CNTNAP2: variants seen among roughly 807,000 people sequenced by gnomAD.
CNTNAP2 encodes the protein contactin-associated protein-like 2.
Under a neutral mutation model 155.2 loss-of-function variants are expected in CNTNAP2, and 98 were observed. That is an observed-to-expected ratio of 0.63 (90% CI 0.54 to 0.75). CNTNAP2 has a LOEUF of 0.75. Ranked by LOEUF, CNTNAP2 falls within the 30% of genes least tolerant of loss-of-function variation. The pLI is 0.00. For synonymous variants in CNTNAP2, 651 were observed against 631.2 expected (o/e 1.03, Z -0.47); for missense variants, 1,727 against 1,688.1 (o/e 1.02, Z -0.40).
chr7:147,987,986 C>T (rs1186806154), intron 15 of CNTNAP2, among the ~76,000 whole-genome samples: 5 of 152,120 alleles, frequency 3.3e-5, no homozygotes, highest in African/African-American at 9.7e-5. Flanking sequence ...TGAGCCACCA[C>T]GCCTGGCAGG....
At chr7:146,854,449 A>G (rs1385838639) in intron 3 of CNTNAP2, among the ~76,000 whole-genome samples, 2 of 152,180 alleles carry the variant, frequency 1.3e-5, no homozygotes, top group Non-Finnish European at 2.9e-5. Flanking sequence ...TACACCTCTG[A>G]TGGAAGAGGA....
chr7:147,555,044 A>G (rs1177475474), intron 11 of CNTNAP2, among the ~76,000 whole-genome samples: 1 of 152,218 alleles, frequency 6.6e-6, no homozygotes, highest in Non-Finnish European at 1.5e-5. Context: ...CACAAACCTC[A>G]GTGGTTACCT....
intron 3 of CNTNAP2, among the ~76,000 whole-genome samples, chr7:146,903,964 G>A (rs6970684): frequency 1.3e-5 from 2 of 152,042 alleles, no homozygotes; most frequent in South Asian, 4.1e-4. Flanking sequence ...ACATCACATT[G>A]TACACCGTAA....
chr7:148,234,356 C>T (rs34022566), intron 20 of CNTNAP2, among the ~76,000 whole-genome samples: 53,887 of 152,080 alleles, frequency 0.35, 10,839 homozygotes, highest in East Asian at 0.63. Flanking sequence ...AGTGATGTTA[C>T]TGTTATTACC....
At chr7:146,569,443 T>A (rs1798408366) in intron 1 of CNTNAP2, among the ~76,000 whole-genome samples, 1 of 152,218 alleles carries the variant, frequency 6.6e-6, no homozygotes, top group Non-Finnish European at 1.5e-5. Flanking sequence ...AACTTTATCT[T>A]GAGTGAAAAG....
At chr7:147,136,615 G>C (rs1239602877) in intron 8 of CNTNAP2, among the ~76,000 whole-genome samples, 1 of 151,798 alleles carries the variant, frequency 6.6e-6, no homozygotes, top group African/African-American at 2.4e-5. Flanking sequence ...AATGTGTTTG[G>C]GAACACTCCA....
Position 146,161,734 on chromosome 7 carries a change from A to G in CNTNAP2, c.97+44761A>G, listed in dbSNP as rs146247936. 4.6e-5 allele frequency among the ~76,000 whole-genome samples: 7 copies of G among 152,336 alleles called. No homozygotes were observed. The East Asian group carries it at 1.4e-3, about 29-fold the overall frequency. Reference sequence around the variant, plus strand: ...TCCTAAGCCTAAAGAACAAAGCTGGATGCATCACGCTACCTGACTTCAAAC... The same window carrying G: ...TCCTAAGCCTAAAGAACAAAGCTGGGTGCATCACGCTACCTGACTTCAAAC... On this transcript the variant is annotated intron_variant, in intron 1 of 23. Transcript: ENST00000361727.
intron 1 of CNTNAP2, among the ~76,000 whole-genome samples, chr7:146,651,143 A>C (rs1252646504): frequency 6.6e-6 from 1 of 152,162 alleles, no homozygotes; most frequent in Non-Finnish European, 1.5e-5. Context: ...CTCTGAGCTC[A>C]TGACAGAGTG....
intron 13 of CNTNAP2, among the ~76,000 whole-genome samples, chr7:147,703,902 C>A (rs1172021735): frequency 6.6e-6 from 1 of 152,174 alleles, no homozygotes; most frequent in Non-Finnish European, 1.5e-5. Flanking sequence ...TTATTCTACT[C>A]TCTACCTCCA....
intron 21 of CNTNAP2, among the ~76,000 whole-genome samples, chr7:148,290,238 T>C (rs1261935310): frequency 2.0e-5 from 3 of 152,184 alleles, no homozygotes; most frequent in Non-Finnish European, 2.9e-5. Context: ...GAAAAACAAA[T>C]TGAACTGAAG....
chr7:148,407,229 T>TG (rs1799723279), intron 22 of CNTNAP2, among the ~76,000 whole-genome samples: 1 of 151,956 alleles, frequency 6.6e-6, no homozygotes, highest in Non-Finnish European at 1.5e-5. Flanking sequence ...ATGATAAGCC[T>TG]AATAAATGAA....
intron 3 of CNTNAP2, among the ~76,000 whole-genome samples, chr7:146,868,393 A>G (rs1018091630): frequency 6.6e-6 from 1 of 152,132 alleles, no homozygotes; most frequent in Non-Finnish European, 1.5e-5. Flanking sequence ...TTTGTGTACC[A>G]TTACCATGCT....
chr7:146,264,784 G>A (rs746401962), intron 1 of CNTNAP2, among the ~76,000 whole-genome samples: 3 of 152,210 alleles, frequency 2.0e-5, no homozygotes, highest in Admixed American at 1.3e-4. Flanking sequence ...GAGGCAGATC[G>A]TTGTGGAAGC....
At chr7:148,197,803 G>A (rs976409614) in intron 18 of CNTNAP2, among the ~76,000 whole-genome samples, 4 of 152,316 alleles carry the variant, frequency 2.6e-5, no homozygotes, top group African/African-American at 7.2e-5. Context: ...TTAATGGAAA[G>A]AGGAGGAGCT....
intron 22 of CNTNAP2, 38 bp downstream of exon 22, chr7:148,383,926 T>A (rs750977847): frequency 1.9e-6 from 3 of 1,593,406 alleles, no homozygotes; most frequent in Non-Finnish European, 2.6e-6. Flanking sequence ...TTGCTTCATT[T>A]CTTTAAACCT....
chr7:146,511,220 G>GTGCCATC (rs1207805967), intron 1 of CNTNAP2, among the ~76,000 whole-genome samples: 1 of 152,132 alleles, frequency 6.6e-6, no homozygotes, highest in African/African-American at 2.4e-5. Flanking sequence ...ATATAAGATT[G>GTGCCATC]TGCCATCTGT....
At chr7:147,537,269 G>A (rs2116736319) in intron 11 of CNTNAP2, among the ~76,000 whole-genome samples, 1 of 134,002 alleles carries the variant, frequency 7.5e-6, no homozygotes, top group East Asian at 2.4e-4. Context: ...CAAATACACA[G>A]TGGTAAATTA....
chr7:146,678,855 C>A (rs1800449880), intron 1 of CNTNAP2, among the ~76,000 whole-genome samples: 1 of 152,030 alleles, frequency 6.6e-6, no homozygotes, highest in African/African-American at 2.4e-5. Flanking sequence ...TTTGAAATTG[C>A]ATTCTAATAC....
chr7:146,986,541 A>C (rs1281353983), intron 3 of CNTNAP2, among the ~76,000 whole-genome samples: 1 of 152,186 alleles, frequency 6.6e-6, no homozygotes, highest in Non-Finnish European at 1.5e-5. Context: ...TGCTGGATCA[A>C]ATGGTAGTTC....
Sources: gnomAD v4.1 joint callset for allele counts (sites outside exome capture counted in the v4.1 genomes callset) on GRCh38, gnomAD v4.1.1 for gene constraint, MANE v1.5 for transcripts, NCBI Gene and HGNC (gene_info 2026-07-23, HGNC 2026-07-21) for gene names.